IL6ST: variants seen among roughly 807,000 people sequenced by gnomAD.
IL6ST encodes the protein interleukin 6 cytokine family signal transducer, also known as interleukin-6 receptor subunit beta.
IL6ST carries 24 observed loss-of-function variants against 91.3 expected under a neutral mutation model. The ratio of observed to expected loss-of-function variants is 0.26; its 90% CI spans 0.19 to 0.37. The LOEUF (loss-of-function observed/expected upper bound fraction) is 0.37. Among genes scored for constraint, IL6ST ranks in the 10% least tolerant of loss-of-function variants. The pLI, the probability that IL6ST is intolerant of heterozygous loss-of-function variation, is 1.00. For synonymous variants in IL6ST, 351 were observed against 373.6 expected (o/e 0.94, Z 0.70); for missense variants, 914 against 1,078.5 (o/e 0.85, Z 2.14).
chr5:55,965,768 T>C (rs536417924), intron 5 of IL6ST, among the ~76,000 whole-genome samples: 22 of 141,508 alleles, frequency 1.6e-4, no homozygotes, highest in Non-Finnish European at 3.0e-4. Flanking sequence ...TGAGCCGAGA[T>C]CACGCCACTT....
intron 1 of IL6ST, among the ~76,000 whole-genome samples, chr5:55,984,959 T>A: frequency 6.6e-6 from 1 of 152,044 alleles, no homozygotes; most frequent in East Asian, 1.9e-4. Context: ...CTACGGCAGG[T>A]GTGTGCTTGG....
chr5:55,978,603 G>A (rs1022645990), intron 2 of IL6ST, among the ~76,000 whole-genome samples: 2 of 152,166 alleles, frequency 1.3e-5, no homozygotes, highest in African/African-American at 4.8e-5. Flanking sequence ...GCGGCCGCCT[G>A]TAATCCCAGC....
Position 55,963,394 on chromosome 5 carries a change from A to G in IL6ST, c.771T>C (p.Tyr257=), listed in dbSNP as rs1181091236. The part of the protein sequence containing the change: ...PSIKSVIILK[Y]NIQYRTKDAS... ...CATCTTTGGTCCTATATTGAATGTT[A>G]TATTTTAGTATTATAACACTCTTAA... The change falls in exon 7 of 17, where the codon TAT becomes TAC. Residue 257 remains tyrosine (Y), a synonymous_variant. Coordinates refer to ENST00000381298, the MANE Select transcript of IL6ST (RefSeq NM_002184.4). 2 of 1,602,974 alleles carry G rather than the reference A, an allele frequency of 1.2e-6. No individual in the cohort carries two copies. The highest frequency in any genetic ancestry group is 1.7e-6 in the Non-Finnish European group (2 of 1,173,038).
chr5:55,946,931 G>C (rs1391310758), intron 15 of IL6ST, among the ~76,000 whole-genome samples: 1 of 151,816 alleles, frequency 6.6e-6, no homozygotes, highest in Non-Finnish European at 1.5e-5. Context: ...TAAAATTCTT[G>C]GCCGTGGCTC....
chr5:55,962,454 T>G (rs185239821), intron 7 of IL6ST, among the ~76,000 whole-genome samples: 5 of 152,318 alleles, frequency 3.3e-5, no homozygotes, highest in Non-Finnish European at 5.9e-5. Context: ...GCTGGTAGCA[T>G]CATCTTTGGG....
In IL6ST at chr5:55,937,503, A is replaced by T. The variant is rs1172413136; in HGVS notation, c.*3579T>A. 4.8e-6 allele frequency: 1 copy of T among 210,494 alleles called. No individual in the cohort carries two copies. Among genetic ancestry groups the T allele is most frequent in the Non-Finnish European group, 9.7e-6 (1 of 103,524 alleles). 13.0% of individuals were successfully genotyped at this position (210,494 alleles called of 1,614,324 possible). On this transcript the variant is annotated 3_prime_UTR_variant, in exon 17 of 17. Coordinates refer to ENST00000381298, the MANE Select transcript of IL6ST (RefSeq NM_002184.4). ...TCTGAATTCTGTTTATCGAGTCTGA[A>T]AAGGAACTGCTGCCAAGGACCAGTC... is the stretch of plus-strand genomic sequence containing the variant.
Position 55,963,477 on chromosome 5 carries a change from C to G in IL6ST, c.688G>C (p.Val230Leu), listed in dbSNP as rs1247238279. 5.0e-6 allele frequency: 8 copies of G among 1,609,320 alleles called. 1 individual carries two copies. The highest frequency in any genetic ancestry group is 6.8e-6 in the Non-Finnish European group (8 of 1,177,702). ...VKPNPPHNLSVINSEELSSIL... is the reference protein window; with the variant it reads ...VKPNPPHNLSLINSEELSSIL... ...CTAGACAGTTCCTCTGAGTTGATCA[C>G]TGATAAATTATGTGGCGGATTGGGC... Residue 230 changes from valine (V) to leucine (L), a missense_variant, in exon 7 of 17, where the codon GTG becomes CTG. Transcript: ENST00000381298.
intron 2 of IL6ST, among the ~76,000 whole-genome samples, chr5:55,981,051 C>A (rs1753636814): frequency 6.6e-6 from 1 of 152,118 alleles, no homozygotes; most frequent in Admixed American, 6.5e-5. Context: ...ATTCTTGCAA[C>A]AAAGCTGCTC....
chr5:55,966,349 G>A (rs79008543), intron 5 of IL6ST, among the ~76,000 whole-genome samples: 3,704 of 152,236 alleles, frequency 0.024, 172 homozygotes, highest in African/African-American at 0.084. Context: ...TGCTCATGGG[G>A]TGGGGCACTT....
At chr5:55,958,217 C>A (rs1452105156) in intron 8 of IL6ST, among the ~76,000 whole-genome samples, 3 of 152,148 alleles carry the variant, frequency 2.0e-5, no homozygotes, top group Admixed American at 6.5e-5. Flanking sequence ...GTGATCCTCC[C>A]ACCTCAGCAA....
At position 55,947,533 on chromosome 5, in the gene IL6ST, T is replaced by C. The variant is rs758296140; in HGVS notation, c.1897A>G (p.Thr633Ala). The change falls in exon 15 of 17, where the codon ACT (threonine) becomes GCT (alanine). Residue 633 changes from threonine to alanine, a missense_variant. By Grantham distance (58) the Thr-to-Ala change is moderately conservative. Coordinates refer to ENST00000381298, the MANE Select transcript of IL6ST (RefSeq NM_002184.4). Reference protein sequence around the residue: ...VPVCLAFLLTTLLGVLFCFNK... With the variant: ...VPVCLAFLLTALLGVLFCFNK... ...AAGCAGAACAGCACTCCCAGAAGAG[T>C]TGTCAATAGGAATGCTAAGCAAACA... 1.6e-5 allele frequency: 25 copies of C among 1,585,576 alleles called. No homozygotes were observed. The Admixed American group carries it at 2.0e-4, about 13-fold the overall frequency.
chr5:55,988,111 A>T (rs1345553997), intron 1 of IL6ST, among the ~76,000 whole-genome samples: 1 of 150,632 alleles, frequency 6.6e-6, no homozygotes, highest in East Asian at 2.0e-4. Flanking sequence ...AGCCTGGGCG[A>T]CAGAGTGAGG....
Position 55,954,915 on chromosome 5 carries a change from A to G in IL6ST, c.1345T>C (p.Ser449Pro), listed in dbSNP as rs750366068. ...CACTCAAGTATATATTTCTTTACAGATTCCCTTGGAGTAGTCCATTCCACC... is the reference window on the plus strand; with the variant it reads ...CACTCAAGTATATATTTCTTTACAGGTTCCCTTGGAGTAGTCCATTCCACC... ...LWVEWTTPRE[S>P]VKKYILEWCV... Residue 449 changes from serine to proline, a missense_variant, in exon 11 of 17, where the codon TCT becomes CCT. Ser to Pro is a moderately conservative substitution (Grantham distance 74, BLOSUM62 -1). Coordinates refer to ENST00000381298, the MANE Select transcript of IL6ST (RefSeq NM_002184.4). The G allele has an allele frequency of 6.2e-7, 1 of 1,613,196 alleles. No individual in the cohort carries two copies. Among genetic ancestry groups the G allele is most frequent in the South Asian group, 1.1e-5 (1 of 90,994 alleles).
chr5:55,994,512 C>A (rs1379087341), intron 1 of IL6ST, among the ~76,000 whole-genome samples: 1 of 152,090 alleles, frequency 6.6e-6, no homozygotes, highest in Non-Finnish European at 1.5e-5. Context: ...GAAGGGCGTT[C>A]TGCGGGGCGG....
At chr5:55,945,039 T>TAAAAAAA (rs1751155987) in intron 15 of IL6ST, among the ~76,000 whole-genome samples, 1 of 67,802 alleles carries the variant, frequency 1.5e-5, no homozygotes, top group Admixed American at 1.4e-4. Flanking sequence ...AGGAATTAAA[T>TAAAAAAA]CAAAAAAAAA....
At chr5:55,972,540 T>G (rs1050545902) in intron 3 of IL6ST, among the ~76,000 whole-genome samples, 2 of 151,972 alleles carry the variant, frequency 1.3e-5, no homozygotes, top group Admixed American at 6.6e-5. Context: ...GTTCCGTTTT[T>G]CAAAGTGAGA....
Position 55,952,249 on chromosome 5 carries a change from C to T in IL6ST, c.1552+1G>A. On this transcript the variant is annotated splice_donor_variant, in intron 12 of 16. Transcript: ENST00000381298. LOFTEE classifies it high-confidence loss of function. Reference sequence around the variant, plus strand: ...TTTCAAAGAAGTGAGTTTGGACTTACGAGCTTGTTTAAGGTATGCCTTTAT... The same window carrying T: ...TTTCAAAGAAGTGAGTTTGGACTTATGAGCTTGTTTAAGGTATGCCTTTAT... The T allele has an allele frequency of 1.9e-6, 3 of 1,600,182 alleles. No homozygotes were observed. The highest frequency in any genetic ancestry group is 2.6e-6 in the Non-Finnish European group (3 of 1,169,820).
intron 11 of IL6ST, among the ~76,000 whole-genome samples, chr5:55,953,937 T>C (rs983907688): frequency 1.3e-5 from 2 of 152,172 alleles, no homozygotes; most frequent in African/African-American, 2.4e-5. Flanking sequence ...CAGTCAGCCA[T>C]GATCATGCCA....
chr5:55,935,733 G>T lies in IL6ST; in HGVS notation c.*5349C>A, dbSNP rs192734204. The T allele has an allele frequency of 3.2e-4, 70 of 217,596 alleles. No individual in the cohort carries two copies. In the East Asian group the frequency reaches 4.4e-3, roughly 14 times the overall value. 13.5% of individuals were successfully genotyped at this position (217,596 alleles called of 1,614,324 possible). A position where few individuals can be genotyped will look rare whatever the true frequency, so the allele number is the denominator to read the frequency against. ...GCAGTTGTAATATATTTCGTATTTT[G>T]AAAGTGTAGAAGTTTGTATTAATTT... On this transcript the variant is annotated 3_prime_UTR_variant, in exon 17 of 17. Coordinates refer to ENST00000381298, the MANE Select transcript of IL6ST (RefSeq NM_002184.4).
Sources: gnomAD v4.1 joint callset for allele counts (sites outside exome capture counted in the v4.1 genomes callset) on GRCh38, gnomAD v4.1.1 for gene constraint, MANE v1.5 for transcripts, NCBI Gene and HGNC (gene_info 2026-07-23, HGNC 2026-07-21) for gene names.